The following ASTN1 variants were observed in gnomAD, a reference collection of about 807,000 sequenced individuals.
ASTN1 encodes astrotactin 1.
Under a neutral mutation model 140.7 loss-of-function variants are expected in ASTN1, and 41 were observed. That is an observed-to-expected ratio of 0.29 (90% CI 0.23 to 0.38). The LOEUF (loss-of-function observed/expected upper bound fraction) is 0.38, where lower values mean the gene tolerates loss of function less well. Among genes scored for constraint, ASTN1 ranks in the 10% least tolerant of loss-of-function variants. The pLI, the probability that ASTN1 is intolerant of heterozygous loss-of-function variation, is 1.00. For synonymous variants in ASTN1, 640 were observed against 652.2 expected, an observed-to-expected ratio of 0.98 and a Z score of 0.29; for missense variants, 1,479 against 1,678.8, an observed-to-expected ratio of 0.88 and a Z score of 2.08.
chr1:177,164,102 C>T (rs1647555104), intron 1 of ASTN1, among the ~76,000 whole-genome samples: 1 of 152,072 alleles, frequency 6.6e-6, no homozygotes, highest in Admixed American at 6.5e-5. Flanking sequence ...TGAATCAAAG[C>T]TGGGAGGTCA....
chr1:176,989,281 A>G (rs995618898), intron 8 of ASTN1, among the ~76,000 whole-genome samples: 1 of 152,168 alleles, frequency 6.6e-6, no homozygotes, highest in Non-Finnish European at 1.5e-5. Context: ...TAGGCATTCA[A>G]TTTATTCTTA....
chr1:177,158,901 T>C (rs1031805953), intron 1 of ASTN1, among the ~76,000 whole-genome samples: 2 of 120,496 alleles, frequency 1.7e-5, no homozygotes, highest in Non-Finnish European at 3.5e-5. Flanking sequence ...TTAATAAAAA[T>C]ACAAAAAAAA....
chr1:177,025,861 T>A (rs1404042604), intron 5 of ASTN1, among the ~76,000 whole-genome samples: 4 of 152,180 alleles, frequency 2.6e-5, no homozygotes, highest in African/African-American at 9.7e-5. Context: ...TTGATGTGGC[T>A]CGCATCATTG....
chr1:176,953,064 G>A (rs1672258209), intron 11 of ASTN1, among the ~76,000 whole-genome samples: 1 of 152,154 alleles, frequency 6.6e-6, no homozygotes, highest in Admixed American at 6.5e-5. Flanking sequence ...ATGGCTTCTT[G>A]ACTTATTAGT....
intron 5 of ASTN1, 29 bp from the exon 6 acceptor site, chr1:177,024,761 G>A (rs1176415970): frequency 6.9e-6 from 11 of 1,601,480 alleles, no homozygotes; most frequent in Non-Finnish European, 8.5e-6. Context: ...CAAGATACAT[G>A]GTGGTAAAAA....
At chr1:177,070,243 C>T (rs975806122) in intron 1 of ASTN1, among the ~76,000 whole-genome samples, 1 of 152,132 alleles carries the variant, frequency 6.6e-6, no homozygotes, top group Non-Finnish European at 1.5e-5. Context: ...AAACACTGGT[C>T]ACAGGGTGAT....
chr1:177,110,234 TAA>T (rs958378016), intron 1 of ASTN1, among the ~76,000 whole-genome samples: 4 of 152,184 alleles, frequency 2.6e-5, no homozygotes, highest in African/African-American at 9.6e-5. Flanking sequence ...TCATAAGACA[TAA>T]AGAGGAAAGA....
intron 1 of ASTN1, among the ~76,000 whole-genome samples, chr1:177,106,847 C>T (rs924046591): frequency 3.3e-5 from 5 of 152,130 alleles, no homozygotes; most frequent in African/African-American, 1.2e-4. Context: ...ATTTGCTGTC[C>T]TAATTCCCTC....
At chr1:176,921,624 T>C (rs1670727856) in intron 16 of ASTN1, among the ~76,000 whole-genome samples, 1 of 152,206 alleles carries the variant, frequency 6.6e-6, no homozygotes, top group East Asian at 1.9e-4. Context: ...CACAAATGCA[T>C]CTAACCCAGG....
At chr1:176,940,287 T>C (rs992893720) in intron 14 of ASTN1, among the ~76,000 whole-genome samples, 1 of 152,168 alleles carries the variant, frequency 6.6e-6, no homozygotes, top group East Asian at 1.9e-4. Context: ...CTACTATCTG[T>C]AAGTCAGACT....
chr1:176,858,647 A>G (rs1667878374), downstream of ASTN1, among the ~76,000 whole-genome samples: 1 of 152,232 alleles, frequency 6.6e-6, no homozygotes, highest in South Asian at 2.1e-4. Flanking sequence ...ACCCAAACCA[A>G]GCTAAACAAC....
chr1:176,994,770 T>A (rs1049145253), intron 8 of ASTN1, among the ~76,000 whole-genome samples: 1 of 152,216 alleles, frequency 6.6e-6, no homozygotes, highest in Non-Finnish European at 1.5e-5. Context: ...TTCATATTCA[T>A]AAGGTTGTAG....
intron 16 of ASTN1, among the ~76,000 whole-genome samples, chr1:176,902,832 C>T (rs375452536): frequency 2.0e-5 from 3 of 152,194 alleles, no homozygotes; most frequent in African/African-American, 7.2e-5. Flanking sequence ...CTCAGCGAGG[C>T]AGACACCTCT....
At chr1:176,897,360 C>A (rs1034002936) in intron 16 of ASTN1, among the ~76,000 whole-genome samples, 2 of 148,902 alleles carry the variant, frequency 1.3e-5, no homozygotes, top group African/African-American at 4.9e-5. Flanking sequence ...AGTTTCTTTT[C>A]AAAAAAGATT....
chr1:177,012,749 T>C (rs1332504455), intron 8 of ASTN1, among the ~76,000 whole-genome samples: 1 of 152,186 alleles, frequency 6.6e-6, no homozygotes, highest in Admixed American at 6.5e-5. Flanking sequence ...ACATGATCTG[T>C]CTACAAGGCT....
intron 8 of ASTN1, among the ~76,000 whole-genome samples, chr1:177,001,820 A>G (rs1044551712): frequency 6.6e-6 from 1 of 152,224 alleles, no homozygotes; most frequent in Admixed American, 6.5e-5. Flanking sequence ...ATTGATGTTA[A>G]TTCAACTCCT....
At position 176,861,511 on chromosome 1, in the gene ASTN1, A is replaced by G; in HGVS notation, c.*2773T>C. On this transcript the variant is annotated 3_prime_UTR_variant, in exon 23 of 23. Coordinates refer to ENST00000361833, the MANE Select transcript of ASTN1 (RefSeq NM_004319.3). ...CTAGCCAGGATGGGTTCCTTCAGGT[A>G]AGCATTAGGAAAAGTCAGCAGGTTG... is the stretch of plus-strand genomic sequence containing the variant. 1.0e-6 allele frequency: 1 copy of G among 985,866 alleles called. No individual in the cohort carries two copies. The highest frequency in any genetic ancestry group is 1.2e-6 in the Non-Finnish European group (1 of 829,940). The allele number at this position is 985,866 out of a possible 1,614,324, so 61.1% of individuals were successfully genotyped here. A position where few individuals can be genotyped will look rare whatever the true frequency, so the allele number is the denominator to read the frequency against.
chr1:176,923,650 T>C (rs1018143623), intron 16 of ASTN1, among the ~76,000 whole-genome samples: 3 of 152,124 alleles, frequency 2.0e-5, no homozygotes, highest in Admixed American at 2.0e-4. Context: ...CTCCTACCGA[T>C]TTATAAATTA....
At chr1:176,985,425 T>C (rs778428651) in intron 8 of ASTN1, among the ~76,000 whole-genome samples, 1 of 152,064 alleles carries the variant, frequency 6.6e-6, no homozygotes, top group Non-Finnish European at 1.5e-5. Context: ...TCTTCTGTTC[T>C]TTGTCCCTGC....
Sources: allele counts gnomAD v4.1 joint callset (sites outside exome capture counted in the v4.1 genomes callset), GRCh38; gene constraint gnomAD v4.1.1; transcripts MANE v1.5; gene names NCBI Gene and HGNC (gene_info 2026-07-23, HGNC 2026-07-21).